The following GALNT3 variants were observed in gnomAD, a reference collection of about 807,000 sequenced individuals.
GALNT3 encodes the protein GalNAc transferase 3.
A neutral mutation model predicts 69.8 loss-of-function variants in GALNT3; 51 were observed. The observed-to-expected ratio is 0.73, with a 90% CI of 0.58 to 0.92. The LOEUF is 0.92. Ranked by LOEUF, GALNT3 falls within the 40% of genes least tolerant of loss-of-function variation. The probability of loss-of-function intolerance (pLI) is 0.00; values close to 1 mark genes in which losing one functional copy is unlikely to be tolerated. For synonymous variants in GALNT3, 265 were observed against 248.5 expected, an observed-to-expected ratio of 1.07 and a Z score of -0.63; for missense variants, 711 against 760.0, an observed-to-expected ratio of 0.94 and a Z score of 0.76.
Position 165,748,879 on chromosome 2 carries a change from A to G in GALNT3, c.1804T>C (p.Leu602=). The change falls in exon 11 of 11, where the codon TTA becomes CTA. Residue 602 remains leucine, a synonymous_variant. Coordinates refer to ENST00000392701, the MANE Select transcript of GALNT3 (RefSeq NM_004482.4). ...CCATTTGCTGAAAGGCACATTTTTA[A>G]GAATGGATTGTATAGAAGTTGATCC... is the stretch of plus-strand genomic sequence containing the variant. The part of the protein sequence containing the change: ...QKDQLLYNPF[L]KMCLSANGEH... 6.2e-7 allele frequency: 1 copy of G among 1,610,816 alleles called. No homozygotes were observed.
At chr2:165,780,438 T>C (rs1325581302) in intron 1 of GALNT3, among the ~76,000 whole-genome samples, 1 of 152,158 alleles carries the variant, frequency 6.6e-6, no homozygotes, top group African/African-American at 2.4e-5. Context: ...CGATGACCAA[T>C]ATAGATCTGT....
chr2:165,762,079 A>C, intron 3 of GALNT3, 25 bp from the exon 4 acceptor site: 1 of 1,469,540 alleles, frequency 6.8e-7, no homozygotes, highest in Non-Finnish European at 9.5e-7. Context: ...AATCAGGGTT[A>C]ATTCTTTCTA....
chr2:165,758,571 ATATAT>A (rs1260847947), intron 6 of GALNT3, 171 bp downstream of exon 6: 4 of 528,526 alleles, frequency 7.6e-6, no homozygotes, highest in Non-Finnish European at 1.0e-5. Context: ...CAATGAATAA[ATATAT>A]TAAGTTACAT....
chr2:165,768,876 A>G (rs1329607094), intron 2 of GALNT3, among the ~76,000 whole-genome samples: 2 of 148,630 alleles, frequency 1.3e-5, no homozygotes, highest in Non-Finnish European at 1.5e-5. Context: ...GCTCACTTCA[A>G]CCTCTGCCCC....
chr2:165,767,925 G>A (rs1163302035), intron 2 of GALNT3, among the ~76,000 whole-genome samples: 2 of 140,888 alleles, frequency 1.4e-5, no homozygotes, highest in Non-Finnish European at 3.0e-5. Flanking sequence ...CCAGGCTGGA[G>A]TGCAATGGTG....
chr2:165,761,940 G>A lies in GALNT3; in HGVS notation c.803C>T (p.Ala268Val). 6.2e-7 allele frequency: 1 copy of A among 1,614,020 alleles called. No homozygotes were observed. Among genetic ancestry groups the A allele is most frequent in the Non-Finnish European group, 8.5e-7 (1 of 1,179,988 alleles). The part of the protein sequence containing the change: ...ITARLLGATV[A>V]TAETLTFLDA... ...TAAAAATGTGAGCGTTTCAGCTGTTGCGACTGTTGCTCCTAGCAACCGAGC... is the reference window on the plus strand; with the variant it reads ...TAAAAATGTGAGCGTTTCAGCTGTTACGACTGTTGCTCCTAGCAACCGAGC... The change falls in exon 4 of 11, where the codon GCA becomes GTA. Residue 268 changes from alanine to valine, a missense_variant. By Grantham distance (64) the Ala-to-Val change is moderately conservative. Transcript: ENST00000392701.
chr2:165,749,615 CAA>C, intron 10 of GALNT3, 125 bp downstream of exon 10: 2 of 880,776 alleles, frequency 2.3e-6, no homozygotes, highest in Non-Finnish European at 3.7e-6. Flanking sequence ...CACATAATAA[CAA>C]AGTTAATAAA....
Position 165,757,135 on chromosome 2 carries a change from T to G in GALNT3, c.1304A>C (p.Asn435Thr). ...CCAGACTTCTGCAAGGCGAACTTGGTTTCTAGCAATCACCTGAGTGCCTTT... is the reference window on the plus strand; with the variant it reads ...CCAGACTTCTGCAAGGCGAACTTGGGTTCTAGCAATCACCTGAGTGCCTTT... ...FPKGTQVIARNQVRLAEVWMD... is the reference protein window; with the variant it reads ...FPKGTQVIARTQVRLAEVWMD... The change falls in exon 7 of 11, where the codon AAC becomes ACC. Residue 435 changes from asparagine (N) to threonine (T), a missense_variant. Physicochemically the swap from Asn to Thr is moderately conservative, Grantham distance 65. Transcript: ENST00000392701. 1 of 1,614,094 alleles carries G rather than the reference T, an allele frequency of 6.2e-7. No individual in the cohort carries two copies. Among genetic ancestry groups the G allele is most frequent in the Non-Finnish European group, 8.5e-7 (1 of 1,179,970 alleles).
chr2:165,770,274 G>T lies in GALNT3; in HGVS notation c.427C>A (p.Arg143Ser). 6.2e-7 allele frequency: 1 copy of T among 1,614,068 alleles called. No homozygotes were observed. The highest frequency in any genetic ancestry group is 8.5e-7 in the Non-Finnish European group (1 of 1,180,012). Residue 143 changes from arginine (R) to serine (S), a missense_variant, in exon 2 of 11, where the codon CGT becomes AGT. By Grantham distance (110) the Arg-to-Ser change is moderately radical. Coordinates refer to ENST00000392701, the MANE Select transcript of GALNT3 (RefSeq NM_004482.4). ...TTAAAGCAGTGTTTAGCTTCCCCAC[G>T]TTCCTTTTCCTTTTGCTCTTCAACA... is the stretch of plus-strand genomic sequence containing the variant. ...LSVEEQKEKERGEAKHCFNAF... is the reference protein window; with the variant it reads ...LSVEEQKEKESGEAKHCFNAF...
At chr2:165,750,170 C>T (rs866429156) in intron 9 of GALNT3, among the ~76,000 whole-genome samples, 2 of 152,060 alleles carry the variant, frequency 1.3e-5, no homozygotes, top group African/African-American at 4.8e-5. Context: ...CTATCCCAGG[C>T]ATTCCTCAGA....
intron 9 of GALNT3, among the ~76,000 whole-genome samples, chr2:165,751,880 T>C (rs1234140081): frequency 1.3e-5 from 2 of 152,208 alleles, no homozygotes; most frequent in East Asian, 3.8e-4. Flanking sequence ...AACTAAAATT[T>C]GCAAAACGGT....
At position 165,761,633 on chromosome 2, in the gene GALNT3, G is replaced by T. The variant is rs1208415325; in HGVS notation, c.838+272C>A. Reference sequence around the variant, plus strand: ...AGAAACATGGAAAAAAAAAAAAGAGGCAAGGATAACTGGCTGGAACAGCTA... The same window carrying T: ...AGAAACATGGAAAAAAAAAAAAGAGTCAAGGATAACTGGCTGGAACAGCTA... On this transcript the variant is annotated intron_variant, in intron 4 of 10. Coordinates refer to ENST00000392701, the MANE Select transcript of GALNT3 (RefSeq NM_004482.4). 3 of 626,068 alleles carry T rather than the reference G, an allele frequency of 4.8e-6. No individual in the cohort carries two copies. In the Admixed American group the frequency reaches 8.8e-5, roughly 18 times the overall value. The allele number at this position is 626,068 out of a possible 1,614,324, so 38.8% of individuals were successfully genotyped here. A position where few individuals can be genotyped will look rare whatever the true frequency, so the allele number is the denominator to read the frequency against.
intron 9 of GALNT3, among the ~76,000 whole-genome samples, chr2:165,752,379 C>T (rs1688370690): frequency 6.6e-6 from 1 of 152,162 alleles, no homozygotes; most frequent in African/African-American, 2.4e-5. Flanking sequence ...TTTCTTCATG[C>T]CCAAAACTAC....
Position 165,748,819 on chromosome 2 carries a change from C to T in GALNT3, c.1864G>A (p.Asp622Asn), listed in dbSNP as rs758413452. 1.9e-6 allele frequency: 3 copies of T among 1,611,992 alleles called. No individual in the cohort carries two copies. The highest frequency in any genetic ancestry group is 2.2e-5 in the South Asian group (2 of 91,006). Reference sequence around the variant, plus strand: ...CTAAGTATCCATTTTTGGAGTGGATCTGATGGGTTGCATGACACTAAACTT... The same window carrying T: ...CTAAGTATCCATTTTTGGAGTGGATTTGATGGGTTGCATGACACTAAACTT... ...HPSLVSCNPS[D>N]PLQKWILSQN... The change falls in exon 11 of 11, where the codon GAT (aspartate) becomes AAT (asparagine). Residue 622 changes from aspartate (D) to asparagine (N), a missense_variant. Coordinates refer to ENST00000392701, the MANE Select transcript of GALNT3 (RefSeq NM_004482.4).
chr2:165,771,704 A>T (rs1688756615), intron 1 of GALNT3: 1 of 152,358 alleles, frequency 6.6e-6, no homozygotes, highest in Admixed American at 6.5e-5. Flanking sequence ...AGAAATTTGC[A>T]GGGACGAAGG....
intron 1 of GALNT3, among the ~76,000 whole-genome samples, chr2:165,787,511 A>G (rs1335866081): frequency 6.6e-6 from 1 of 152,214 alleles, no homozygotes. Flanking sequence ...CTAACAAGCA[A>G]GAAGCCAGAA....
At chr2:165,770,052 A>G in intron 2 of GALNT3, 134 bp downstream of exon 2, 2 of 984,066 alleles carry the variant, frequency 2.0e-6, no homozygotes, top group African/African-American at 1.6e-5. Context: ...AATAAATACA[A>G]CAGGTTAAAT....
At chr2:165,761,855 A>T in intron 4 of GALNT3, 50 bp downstream of exon 4, 1 of 1,581,492 alleles carries the variant, frequency 6.3e-7, no homozygotes, top group Non-Finnish European at 8.7e-7. Context: ...TTTAAATTAG[A>T]GGGAGAGGGA....
At chr2:165,756,990 G>T in intron 7 of GALNT3, 57 bp downstream of exon 7, 1 of 1,340,704 alleles carries the variant, frequency 7.5e-7, no homozygotes. Flanking sequence ...CGACGCAAAA[G>T]GACGTGTGAA....
Sources: allele counts gnomAD v4.1 joint callset (sites outside exome capture counted in the v4.1 genomes callset), GRCh38; gene constraint gnomAD v4.1.1; transcripts MANE v1.5; gene names NCBI Gene and HGNC (gene_info 2026-07-23, HGNC 2026-07-21).